SERPINB12: variants seen among roughly 807,000 people sequenced by gnomAD.
SERPINB12 encodes the protein serpin family B member 12.
SERPINB12 carries 57 observed loss-of-function variants against 41.1 expected under a neutral mutation model. The observed-to-expected ratio is 1.39, with a 90% CI of 1.12 to 1.73. The LOEUF is 1.73. Ranked by LOEUF, SERPINB12 falls within the 40% of genes most tolerant of loss-of-function variation. The pLI, the probability that SERPINB12 is intolerant of heterozygous loss-of-function variation, is 0.00. For synonymous variants in SERPINB12, 180 were observed against 181.3 expected (o/e 0.99, Z 0.06); for missense variants, 536 against 501.9 (o/e 1.07, Z -0.65).
At position 63,566,473 on chromosome 18, in the gene SERPINB12, C is replaced by G. The variant is rs929785900; in HGVS notation, c.874-134C>G. Reference sequence around the variant, plus strand: ...GCTTGAAGTTTTAAATGAAATCAGACTATTCTCTAGCTTAGGGAAAGGTCT... The same window carrying G: ...GCTTGAAGTTTTAAATGAAATCAGAGTATTCTCTAGCTTAGGGAAAGGTCT... On this transcript the variant is annotated intron_variant, in intron 7 of 7. Coordinates refer to ENST00000382768, the MANE Select transcript of SERPINB12 (RefSeq NM_001307928.2). The G allele has an allele frequency of 2.6e-5, 20 of 760,614 alleles. No individual in the cohort carries two copies. In the East Asian group the frequency reaches 5.0e-4, roughly 19 times the overall value. The allele number at this position is 760,614 out of a possible 1,614,324, so 47.1% of individuals were successfully genotyped here.
chr18:63,547,604 A>C (rs971961900), intron 1 of SERPINB12, among the ~76,000 whole-genome samples: 11 of 152,118 alleles, frequency 7.2e-5, no homozygotes, highest in African/African-American at 2.7e-4. Flanking sequence ...TCTTCCTACT[A>C]TATATAGGAA....
intron 1 of SERPINB12, among the ~76,000 whole-genome samples, chr18:63,546,509 C>A (rs1412575392): frequency 6.6e-6 from 1 of 152,122 alleles, no homozygotes; most frequent in Non-Finnish European, 1.5e-5. Flanking sequence ...TAGCTTAGAG[C>A]ACATTTTGCA....
At chr18:63,524,988 G>C in the SERPINB12 span, among the ~76,000 whole-genome samples, 7 of 151,784 alleles carry the variant, frequency 4.6e-5, no homozygotes, top group Non-Finnish European at 1.0e-4. Flanking sequence ...GACCTCAGGT[G>C]ATCTACCAGT....
chr18:63,543,330 C>T (rs1910314006), intron 1 of SERPINB12, among the ~76,000 whole-genome samples: 1 of 152,160 alleles, frequency 6.6e-6, no homozygotes, highest in Admixed American at 6.6e-5. Context: ...TGTGCCTTTC[C>T]CACTGATCCC....
At chr18:63,526,709 A>G in the SERPINB12 span, among the ~76,000 whole-genome samples, 3 of 152,174 alleles carry the variant, frequency 2.0e-5, no homozygotes, top group Non-Finnish European at 4.4e-5. Flanking sequence ...CCATGTTTTC[A>G]CCTCTCTTTT....
intron 1 of SERPINB12, among the ~76,000 whole-genome samples, chr18:63,547,556 T>G (rs1212603918): frequency 1.3e-5 from 2 of 152,124 alleles, no homozygotes; most frequent in Non-Finnish European, 1.5e-5. Context: ...ATTATAGAAA[T>G]TATAAGACAT....
intron 1 of SERPINB12, among the ~76,000 whole-genome samples, chr18:63,543,012 T>C (rs984470131): frequency 6.6e-6 from 1 of 152,234 alleles, no homozygotes; most frequent in Non-Finnish European, 1.5e-5. Context: ...ATGCTGTGTA[T>C]GTACCACATT....
chr18:63,520,709 A>C, the SERPINB12 span, among the ~76,000 whole-genome samples: 1 of 152,230 alleles, frequency 6.6e-6, no homozygotes, highest in Non-Finnish European at 1.5e-5. Context: ...GATAGGTAGA[A>C]GCTAAGCATC....
Position 63,561,087 on chromosome 18 carries a change from A to T in SERPINB12, c.447A>T (p.Glu149Asp), listed in dbSNP as rs1203587230. Residue 149 changes from glutamate (E) to aspartate (D), a missense_variant and splice_region_variant, in exon 5 of 8, where the codon GAA (glutamate) becomes GAT (aspartate). Physicochemically the swap from Glu to Asp is conservative, Grantham distance 45. Transcript: ENST00000382768. ...TCCCTTTTATTCCAATGGAACAGGAATACTTAGATGGTGTGATTCAATTTT... is the reference window on the plus strand; with the variant it reads ...TCCCTTTTATTCCAATGGAACAGGATTACTTAGATGGTGTGATTCAATTTT... ...YGEQEFPICQ[E>D]YLDGVIQFYH... is the part of the protein sequence containing the mutation. 6.3e-7 allele frequency: 1 copy of T among 1,591,912 alleles called. No homozygotes were observed. Among genetic ancestry groups the T allele is most frequent in the African/African-American group, 1.3e-5 (1 of 74,402 alleles).
At chr18:63,541,964 C>G (rs1910281122), upstream of SERPINB12, among the ~76,000 whole-genome samples, 1 of 152,186 alleles carries the variant, frequency 6.6e-6, no homozygotes, top group Non-Finnish European at 1.5e-5. Flanking sequence ...GAGAACCTCA[C>G]AGTTTTGTCA....
At chr18:63,566,579 G>T in intron 7 of SERPINB12, 28 bp from the exon 8 acceptor site, 1 of 1,565,976 alleles carries the variant, frequency 6.4e-7, no homozygotes. Flanking sequence ...ATAATCTGAT[G>T]CTAAATATTA....
upstream of SERPINB12, among the ~76,000 whole-genome samples, chr18:63,539,107 T>A (rs559284285): frequency 1.3e-5 from 2 of 152,146 alleles, no homozygotes; most frequent in African/African-American, 4.8e-5. Flanking sequence ...AGAATGAAGG[T>A]TCCTCCCTGA....
At position 63,556,186 on chromosome 18, in the gene SERPINB12, C is replaced by T. The variant is rs1475620841; in HGVS notation, c.27C>T (p.Thr9=). The T allele has an allele frequency of 1.2e-6, 2 of 1,613,776 alleles. No homozygotes were observed. The highest frequency in any genetic ancestry group is 1.7e-6 in the Non-Finnish European group (2 of 1,179,870). MDSLVTAN[T]KFCFDLFQEI... is the part of the protein sequence containing the mutation. The stretch of plus-strand genomic sequence containing the variant: ...TGGACTCTCTTGTTACAGCAAACAC[C>T]AAATTTTGCTTTGATCTTTTTCAAG... Residue 9 remains threonine, a synonymous_variant, in exon 2 of 8, where the codon ACC becomes ACT. Coordinates refer to ENST00000382768, the MANE Select transcript of SERPINB12 (RefSeq NM_001307928.2).
intron 2 of SERPINB12, among the ~76,000 whole-genome samples, chr18:63,558,069 CT>C (rs1910737839): frequency 6.6e-6 from 1 of 152,112 alleles, no homozygotes; most frequent in Admixed American, 6.5e-5. Flanking sequence ...GATTGGGTAT[CT>C]ATGAAATGCT....
chr18:63,551,649 T>C (rs1405209221), intron 1 of SERPINB12, among the ~76,000 whole-genome samples: 1 of 152,206 alleles, frequency 6.6e-6, no homozygotes, highest in Non-Finnish European at 1.5e-5. Context: ...GTTTTGGCTA[T>C]TATGAAAGTG....
chr18:63,562,304 C>G (rs1374914682), intron 5 of SERPINB12, among the ~76,000 whole-genome samples: 1 of 152,198 alleles, frequency 6.6e-6, no homozygotes, highest in Non-Finnish European at 1.5e-5. Context: ...GACTAGGCCC[C>G]TTTTTGATCA....
intron 1 of SERPINB12, among the ~76,000 whole-genome samples, chr18:63,543,133 C>A (rs1910309350): frequency 6.6e-6 from 1 of 152,192 alleles, no homozygotes; most frequent in African/African-American, 2.4e-5. Flanking sequence ...TAATGTCTCT[C>A]TTCCTGACTT....
upstream of SERPINB12, among the ~76,000 whole-genome samples, chr18:63,541,151 A>T (rs765300870): frequency 2.1e-4 from 32 of 152,328 alleles, no homozygotes; most frequent in Non-Finnish European, 3.7e-4. Context: ...TTATACGATT[A>T]TTCTGTGGGT....
upstream of SERPINB12, among the ~76,000 whole-genome samples, chr18:63,540,091 G>A (rs1389358286): frequency 6.6e-6 from 1 of 152,186 alleles, no homozygotes; most frequent in Non-Finnish European, 1.5e-5. Flanking sequence ...AGACTAGCTT[G>A]AAGGATGCTT....
Sources: allele counts gnomAD v4.1 joint callset (sites outside exome capture counted in the v4.1 genomes callset), GRCh38; gene constraint gnomAD v4.1.1; transcripts MANE v1.5; gene names NCBI Gene and HGNC (gene_info 2026-07-23, HGNC 2026-07-21).